Variants in DCDC2C observed in about 807,000 individuals in gnomAD.
DCDC2C encodes the protein doublecortin domain containing 2C.
Under a neutral mutation model 45.0 loss-of-function variants are expected in DCDC2C, and 44 were observed. That is an observed-to-expected ratio of 0.98 (90% CI 0.77 to 1.26). The LOEUF is 1.26. DCDC2C is among the 50% of genes most tolerant of loss of function. The pLI, the probability that DCDC2C is intolerant of heterozygous loss-of-function variation, is 0.00. For synonymous variants in DCDC2C, 187 were observed against 178.8 expected (o/e 1.05, Z -0.37); for missense variants, 447 against 468.9 (o/e 0.95, Z 0.43).
intron 3 of DCDC2C, among the ~76,000 whole-genome samples, chr2:3,730,203 C>T (rs955582121): frequency 6.6e-6 from 1 of 152,130 alleles, no homozygotes; most frequent in Non-Finnish European, 1.5e-5. Context: ...GTAATCATGG[C>T]ACTTTGGGAG....
At chr2:3,735,015 G>T (rs1227153242) in intron 3 of DCDC2C, among the ~76,000 whole-genome samples, 3 of 152,076 alleles carry the variant, frequency 2.0e-5, no homozygotes, top group Admixed American at 1.3e-4. Context: ...CCACTTTCTC[G>T]CTCCCAATTG....
chr2:3,718,503 GC>G (rs1331233434), intron 2 of DCDC2C, among the ~76,000 whole-genome samples: 1 of 152,094 alleles, frequency 6.6e-6, no homozygotes, highest in East Asian at 1.9e-4. Flanking sequence ...GATTCACGTG[GC>G]CAGACCCCAG....
At chr2:3,704,933 G>A (rs1236922103) in intron 1 of DCDC2C, among the ~76,000 whole-genome samples, 1 of 152,118 alleles carries the variant, frequency 6.6e-6, no homozygotes, top group East Asian at 1.9e-4. Flanking sequence ...TGTGATCTCA[G>A]CTGCTTTTCT....
chr2:3,778,877 G>A lies in DCDC2C; in HGVS notation c.1016G>A (p.Gly339Asp), dbSNP rs1279143462. Residue 339 changes from glycine to aspartate, a missense_variant, in exon 9 of 11, where the codon GGC becomes GAC. By Grantham distance (94) the Gly-to-Asp change is moderately conservative. Coordinates refer to ENST00000399143, the MANE Select transcript of DCDC2C (RefSeq NM_001287444.2). Reference protein sequence around the residue: ...EIHENTPDFEGNKDKEDARLC... With the variant: ...EIHENTPDFEDNKDKEDARLC... Reference sequence around the variant, plus strand: ...CATGAGAACACCCCTGATTTTGAGGGCAACAAGGTGAGTTCATTTTATTTT... The same window carrying A: ...CATGAGAACACCCCTGATTTTGAGGACAACAAGGTGAGTTCATTTTATTTT... The A allele has an allele frequency of 2.6e-6, 4 of 1,550,944 alleles. No homozygotes were observed. Among genetic ancestry groups the A allele is most frequent in the Admixed American group, 2.0e-5 (1 of 50,994 alleles).
At chr2:3,744,841 G>A (rs1479222483) in intron 4 of DCDC2C, among the ~76,000 whole-genome samples, 2 of 152,176 alleles carry the variant, frequency 1.3e-5, no homozygotes, top group Non-Finnish European at 2.9e-5. Context: ...TTGTGCACAA[G>A]TCTGTACCGG....
intron 10 of DCDC2C, among the ~76,000 whole-genome samples, chr2:3,825,539 A>T (rs7606109): frequency 0.021 from 3,148 of 152,156 alleles, 97 homozygotes; most frequent in African/African-American, 0.072. Flanking sequence ...GTCATTTTTG[A>T]TATGGAAAAT....
intron 10 of DCDC2C, among the ~76,000 whole-genome samples, chr2:3,840,661 A>G (rs1440578396): frequency 6.6e-6 from 1 of 152,150 alleles, no homozygotes; most frequent in Non-Finnish European, 1.5e-5. Context: ...TCAGCTTACT[A>G]ATGTCTGGAT....
chr2:3,816,291 T>C (rs1432578856), intron 10 of DCDC2C, among the ~76,000 whole-genome samples: 1 of 99,032 alleles, frequency 1.0e-5, no homozygotes, highest in Non-Finnish European at 2.0e-5. Context: ...ACCCAGGTCA[T>C]CCAATTAGAG....
Position 3,754,577 on chromosome 2 carries a change from T to C in DCDC2C, c.684-15T>C. The C allele has an allele frequency of 6.5e-7, 1 of 1,548,948 alleles. No individual in the cohort carries two copies. Among genetic ancestry groups the C allele is most frequent in the Non-Finnish European group, 8.7e-7 (1 of 1,146,490 alleles). Reference sequence around the variant, plus strand: ...CGGGCTTTACATTTCAAGTTGAACATCTTTTGTCTTGCAGAAGGTATGCGA... The same window carrying C: ...CGGGCTTTACATTTCAAGTTGAACACCTTTTGTCTTGCAGAAGGTATGCGA... On this transcript the variant is annotated splice_polypyrimidine_tract_variant and intron_variant, in intron 5 of 10. Transcript: ENST00000399143.
intron 2 of DCDC2C, among the ~76,000 whole-genome samples, chr2:3,713,489 G>A (rs1016427624): frequency 4.6e-5 from 7 of 152,130 alleles, no homozygotes; most frequent in South Asian, 2.1e-4. Context: ...GCTGCATCCC[G>A]GGTGCCCAGG....
chr2:3,726,658 C>T (rs1181252687), intron 2 of DCDC2C, among the ~76,000 whole-genome samples: 2 of 152,210 alleles, frequency 1.3e-5, no homozygotes, highest in African/African-American at 4.8e-5. Context: ...AGGCCATTGA[C>T]GCATGCTTCT....
At chr2:3,806,231 G>A (rs999000991) in intron 10 of DCDC2C, among the ~76,000 whole-genome samples, 1 of 152,194 alleles carries the variant, frequency 6.6e-6, no homozygotes, top group East Asian at 1.9e-4. Flanking sequence ...TTTCAAGGAC[G>A]GCTGGCATCT....
At chr2:3,811,593 C>G (rs924442789) in intron 10 of DCDC2C, among the ~76,000 whole-genome samples, 2 of 152,184 alleles carry the variant, frequency 1.3e-5, no homozygotes, top group African/African-American at 2.4e-5. Flanking sequence ...CCTGATTGCC[C>G]TGGCCAGAAC....
chr2:3,764,689 C>A (rs550637768), intron 6 of DCDC2C, among the ~76,000 whole-genome samples: 1 of 152,140 alleles, frequency 6.6e-6, no homozygotes, highest in Non-Finnish European at 1.5e-5. Context: ...TAATACATAG[C>A]CAACTCTAGA....
intron 2 of DCDC2C, among the ~76,000 whole-genome samples, chr2:3,710,090 G>A (rs966551943): frequency 2.0e-4 from 30 of 152,102 alleles, no homozygotes; most frequent in African/African-American, 6.8e-4. Context: ...GATTATAAAA[G>A]TAGTTCTCAT....
chr2:3,727,253 TTC>T (rs1360944277), intron 3 of DCDC2C, among the ~76,000 whole-genome samples, 174 bp downstream of exon 3: 3 of 150,302 alleles, frequency 2.0e-5, no homozygotes, highest in African/African-American at 7.3e-5. Context: ...CTAGACCACC[TTC>T]TCTCTGATTC....
chr2:3,813,039 GTATATATATATATA>G (rs202152340), intron 10 of DCDC2C, among the ~76,000 whole-genome samples: 3,290 of 87,414 alleles, frequency 0.038, 172 homozygotes, highest in African/African-American at 0.14. Flanking sequence ...TGAGAAGAAC[GTATATATATATATA>G]TATATATATA....
chr2:3,726,519 A>C (rs1471518779), intron 2 of DCDC2C, among the ~76,000 whole-genome samples: 1 of 152,156 alleles, frequency 6.6e-6, no homozygotes, highest in East Asian at 1.9e-4. Flanking sequence ...CACAGCAAAC[A>C]GGAGAGAAGG....
chr2:3,785,205 A>G (rs1346128520), intron 10 of DCDC2C, 105 bp downstream of exon 10: 2 of 889,346 alleles, frequency 2.2e-6, no homozygotes, highest in Non-Finnish European at 1.5e-6. Context: ...CTTTTTAGGA[A>G]TGTAACTTTT....
Sources: allele counts gnomAD v4.1 joint callset (sites outside exome capture counted in the v4.1 genomes callset), GRCh38; gene constraint gnomAD v4.1.1; transcripts MANE v1.5; gene names NCBI Gene and HGNC (gene_info 2026-07-23, HGNC 2026-07-21).